Variants in QTMAN observed in about 807,000 individuals in gnomAD.
QTMAN encodes queuosine-tRNA mannosyltransferase.
the QTMAN span, among the ~76,000 whole-genome samples, chr2:144,065,375 A>C: frequency 6.6e-6 from 1 of 152,220 alleles, no homozygotes; most frequent in Non-Finnish European, 1.5e-5. Context: ...GTGCCCTAGC[A>C]GGTTGACCCA....
chr2:143,964,278 T>A, the QTMAN span: 1 of 152,090 alleles, frequency 6.6e-6, no homozygotes, highest in Non-Finnish European at 1.5e-5. Flanking sequence ...AGTAATTATA[T>A]GTTAGGGAAT....
the QTMAN span, among the ~76,000 whole-genome samples, chr2:144,141,588 C>CAAAAAAAA: frequency 2.4e-5 from 2 of 81,698 alleles, no homozygotes; most frequent in South Asian, 3.7e-4. Flanking sequence ...ACTTCTGTAA[C>CAAAAAAAA]AAAAAAAAAA....
the QTMAN span, among the ~76,000 whole-genome samples, chr2:144,289,999 C>A: frequency 6.6e-6 from 1 of 152,190 alleles, no homozygotes; most frequent in Admixed American, 6.5e-5. Context: ...GCACCAATCA[C>A]CAAGTTTCAG....
the QTMAN span, chr2:143,942,372 G>A: frequency 6.0e-6 from 1 of 167,242 alleles, no homozygotes; most frequent in African/African-American, 2.4e-5. Context: ...GCATCCCACA[G>A]ATACCCGGGA....
the QTMAN span, among the ~76,000 whole-genome samples, chr2:144,172,183 C>T: frequency 6.6e-6 from 1 of 151,912 alleles, no homozygotes; most frequent in Admixed American, 6.6e-5. Context: ...TTTTTAAAAG[C>T]ATGCTAAATA....
chr2:144,063,107 T>TAC, the QTMAN span, among the ~76,000 whole-genome samples: 3 of 152,202 alleles, frequency 2.0e-5, no homozygotes, highest in African/African-American at 4.8e-5. Context: ...ACCCTGCTGT[T>TAC]ACGATGTAAG....
the QTMAN span, among the ~76,000 whole-genome samples, chr2:144,311,645 C>T: frequency 6.6e-6 from 1 of 152,142 alleles, no homozygotes; most frequent in Non-Finnish European, 1.5e-5. Flanking sequence ...TCCCTCATGC[C>T]AGAATGCCTC....
At chr2:144,155,058 G>C in the QTMAN span, among the ~76,000 whole-genome samples, 1 of 152,278 alleles carries the variant, frequency 6.6e-6, no homozygotes, top group African/African-American at 2.4e-5. Flanking sequence ...CCATGCCCAT[G>C]GGTGCTTACA....
At chr2:143,988,095 G>A in the QTMAN span, among the ~76,000 whole-genome samples, 1 of 152,180 alleles carries the variant, frequency 6.6e-6, no homozygotes, top group South Asian at 2.1e-4. Context: ...CCAAGGCATG[G>A]GAACAATTGA....
chr2:144,126,876 A>T, the QTMAN span, among the ~76,000 whole-genome samples: 1 of 152,016 alleles, frequency 6.6e-6, no homozygotes, highest in South Asian at 2.1e-4. Context: ...ATTCTAATGT[A>T]ATCTTTTTGG....
chr2:144,188,539 ATGGATGG>A, the QTMAN span, among the ~76,000 whole-genome samples: 406 of 151,912 alleles, frequency 2.7e-3, 1 homozygote, highest in Middle Eastern at 0.014. Flanking sequence ...GGATGGATGG[ATGGATGG>A]ATGGACTGAT....
chr2:144,331,283 G>C, the QTMAN span, among the ~76,000 whole-genome samples: 16 of 152,226 alleles, frequency 1.1e-4, no homozygotes, highest in South Asian at 6.2e-4. Context: ...TCCTGTCATG[G>C]TTAAAGCTTA....
the QTMAN span, among the ~76,000 whole-genome samples, chr2:144,297,936 T>C: frequency 2.0e-5 from 3 of 151,846 alleles, no homozygotes; most frequent in Non-Finnish European, 4.4e-5. Context: ...GAAAATTGAA[T>C]ATAGACTGTA....
the QTMAN span, among the ~76,000 whole-genome samples, chr2:143,958,006 G>A: frequency 6.6e-6 from 1 of 152,156 alleles, no homozygotes; most frequent in East Asian, 1.9e-4. Flanking sequence ...GAAAATAAAT[G>A]CACCAGTAAT....
the QTMAN span, among the ~76,000 whole-genome samples, chr2:144,174,503 T>C: frequency 3.3e-5 from 5 of 152,218 alleles, no homozygotes; most frequent in Non-Finnish European, 7.3e-5. Flanking sequence ...TACTTCATAT[T>C]GGTTGGAACC....
At chr2:144,262,128 C>G in the QTMAN span, among the ~76,000 whole-genome samples, 2 of 151,780 alleles carry the variant, frequency 1.3e-5, no homozygotes, top group Non-Finnish European at 2.9e-5. Context: ...CATAAAAGGT[C>G]AAAAAAATGA....
At chr2:144,027,952 T>C in the QTMAN span, among the ~76,000 whole-genome samples, 3 of 152,208 alleles carry the variant, frequency 2.0e-5, no homozygotes, top group Non-Finnish European at 4.4e-5. Flanking sequence ...TCTCGTGCTG[T>C]AGAATTGGCT....
At chr2:144,077,424 A>C in the QTMAN span, among the ~76,000 whole-genome samples, 1 of 152,244 alleles carries the variant, frequency 6.6e-6, no homozygotes, top group Admixed American at 6.5e-5. Flanking sequence ...TCCATCCTTT[A>C]TAACAGGCTA....
At chr2:144,122,947 C>T in the QTMAN span, among the ~76,000 whole-genome samples, 4 of 152,124 alleles carry the variant, frequency 2.6e-5, no homozygotes, top group Admixed American at 6.6e-5. Flanking sequence ...GGTGCACACA[C>T]GTGCAGACAC....
Sources: allele counts gnomAD v4.1 joint callset (sites outside exome capture counted in the v4.1 genomes callset), GRCh38; gene constraint gnomAD v4.1.1; transcripts MANE v1.5; gene names NCBI Gene and HGNC (gene_info 2026-07-23, HGNC 2026-07-21).